Variants in CSF2RA observed in about 807,000 individuals in gnomAD.
The protein encoded by CSF2RA is granulocyte-macrophage colony-stimulating factor receptor subunit alpha.
A neutral mutation model predicts 51.6 loss-of-function variants in CSF2RA; 42 were observed. That is an observed-to-expected ratio of 0.81 (90% CI 0.64 to 1.05). CSF2RA has a LOEUF of 1.05. CSF2RA is among the 50% of genes least tolerant of loss of function. The pLI, the probability that CSF2RA is intolerant of heterozygous loss-of-function variation, is 0.00. For synonymous variants in CSF2RA, 222 were observed against 193.0 expected (o/e 1.15, Z -1.24); for missense variants, 530 against 501.1 (o/e 1.06, Z -0.55).
intron 8 of CSF2RA, among the ~76,000 whole-genome samples, chrX:1,294,893 C>A (rs1299293913): frequency 1.2e-4 from 19 of 152,274 alleles, no homozygotes; most frequent in Middle Eastern, 3.4e-3. Context: ...TGCTCCACCT[C>A]CATGGAGACC....
intron 9 of CSF2RA, 197 bp from the exon 10 acceptor site, chrX:1,300,294 C>T (rs1313506769): frequency 4.8e-6 from 3 of 628,358 alleles, no homozygotes; most frequent in Admixed American, 3.1e-5. Context: ...TGTCTCCCAT[C>T]GAAATACTAA....
chrX:1,324,118 G>C, the CSF2RA span, among the ~76,000 whole-genome samples: 2 of 151,968 alleles, frequency 1.3e-5, no homozygotes, highest in Non-Finnish European at 2.9e-5. Context: ...CTGTGAGGTG[G>C]AGGTTGCAGT....
At position 1,290,474 on chromosome X, in the gene CSF2RA, A is replaced by T; in HGVS notation, c.611A>T (p.Gln204Leu). Residue 204 changes from glutamine (Q) to leucine (L), a missense_variant, in exon 7 of 13, where the codon CAA (glutamine) becomes CTA (leucine). Transcript: ENST00000381529. ...VNGTSREIGI[Q>L]FFDSLLDTKK... is the part of the protein sequence containing the mutation. ...GGAACCAGCCGAGAAATTGGCATCC[A>T]ATTCTTTGATTCACTTTTGGACACA... The T allele has an allele frequency of 6.2e-7, 1 of 1,613,940 alleles. No homozygotes were observed. The highest frequency in any genetic ancestry group is 8.5e-7 in the Non-Finnish European group (1 of 1,179,846).
intron 1 of CSF2RA, 22 bp downstream of exon 1, chrX:1,268,901 T>C: frequency 2.2e-6 from 1 of 453,936 alleles, no homozygotes; most frequent in South Asian, 1.6e-5. Flanking sequence ...TCTTTCCTTC[T>C]GTGGTCTTTG....
chrX:1,313,567 C>G (rs1403668038), downstream of CSF2RA, among the ~76,000 whole-genome samples: 2 of 151,728 alleles, frequency 1.3e-5, no homozygotes, highest in South Asian at 2.1e-4. Context: ...AAAAAAAAAG[C>G]CAGGTGTGGT....
In CSF2RA at chrX:1,300,476, T is replaced by C. The variant is rs1185684223; in HGVS notation, c.811-15T>C. The C allele has an allele frequency of 6.2e-7, 1 of 1,613,918 alleles. No individual in the cohort carries two copies. The highest frequency in any genetic ancestry group is 1.7e-5 in the Admixed American group (1 of 59,998). On this transcript the variant is annotated splice_polypyrimidine_tract_variant and intron_variant, in intron 9 of 12. Coordinates refer to ENST00000381529, the MANE Select transcript of CSF2RA (RefSeq NM_172245.4). ...CAGAAGACGCCTATCTCTAACTTTC[T>C]TTTTTCCTCCAAAGATTAATGTTTC...
intron 2 of CSF2RA, among the ~76,000 whole-genome samples, chrX:1,280,583 T>C (rs1304371825): frequency 2.0e-5 from 3 of 152,078 alleles, no homozygotes; most frequent in Non-Finnish European, 4.4e-5. Flanking sequence ...TTAAACATTT[T>C]CTGGTTGACA....
At chrX:1,285,702 A>AG in intron 3 of CSF2RA, 76 bp from the exon 4 acceptor site, 1 of 247,446 alleles carries the variant, frequency 4.0e-6, no homozygotes, top group South Asian at 6.2e-5. Flanking sequence ...ACTCCGTCTC[A>AG]AAAAAAAAAA....
the CSF2RA span, among the ~76,000 whole-genome samples, chrX:1,317,281 TG>T: frequency 1.0e-5 from 1 of 98,296 alleles, no homozygotes; most frequent in African/African-American, 4.3e-5. Context: ...GACAGAGTCT[TG>T]TTCTTGTCGC....
intron 1 of CSF2RA, among the ~76,000 whole-genome samples, chrX:1,271,332 A>ATTT (rs752978804): frequency 6.9e-5 from 1 of 14,446 alleles, no homozygotes; most frequent in African/African-American, 1.6e-4. Context: ...TAATTTTTGT[A>ATTT]TTTTTTTTTT....
intron 9 of CSF2RA, among the ~76,000 whole-genome samples, chrX:1,296,183 G>A (rs1303609404): frequency 4.9e-5 from 7 of 141,812 alleles, no homozygotes; most frequent in Non-Finnish European, 1.1e-4. Flanking sequence ...ACTACACCTA[G>A]TGTAACTAAC....
intron 3 of CSF2RA, among the ~76,000 whole-genome samples, chrX:1,285,125 T>C (rs1309535836): frequency 6.6e-6 from 1 of 152,078 alleles, no homozygotes; most frequent in Non-Finnish European, 1.5e-5. Flanking sequence ...GATCTGAACC[T>C]ACTGGGCTCA....
the CSF2RA span, among the ~76,000 whole-genome samples, chrX:1,315,431 T>C: frequency 2.6e-5 from 4 of 151,968 alleles, no homozygotes; most frequent in African/African-American, 9.7e-5. Flanking sequence ...AGAGACAGAG[T>C]CTCATTCTGT....
At chrX:1,300,261 A>G (rs1463084180) in intron 9 of CSF2RA, 3 of 555,948 alleles carry the variant, frequency 5.4e-6, no homozygotes, top group Non-Finnish European at 9.5e-6. Context: ...CTTAAAGCCT[A>G]CATCACCCAA....
chrX:1,322,599 T>C, the CSF2RA span, among the ~76,000 whole-genome samples: 48,236 of 150,962 alleles, frequency 0.32, 7,717 homozygotes, highest in East Asian at 0.53. Flanking sequence ...CTGAACCCTT[T>C]GTGGTCACGC....
intron 6 of CSF2RA, 56 bp downstream of exon 6, chrX:1,288,944 T>C: frequency 6.2e-7 from 1 of 1,607,066 alleles, no homozygotes; most frequent in East Asian, 2.2e-5. Context: ...GGAGAAAAAA[T>C]CATGCTGGTT....
chrX:1,321,736 G>A, the CSF2RA span, among the ~76,000 whole-genome samples: 43 of 152,250 alleles, frequency 2.8e-4, no homozygotes, highest in East Asian at 7.9e-3. Flanking sequence ...TCACAAAAAG[G>A]CAGAACCCCG....
the CSF2RA span, among the ~76,000 whole-genome samples, chrX:1,325,164 G>C: frequency 6.7e-6 from 1 of 150,368 alleles, no homozygotes; most frequent in African/African-American, 2.4e-5. Flanking sequence ...ATCGAGACCA[G>C]CCTGGCCAAC....
chrX:1,321,386 G>T, the CSF2RA span, among the ~76,000 whole-genome samples: 1 of 151,050 alleles, frequency 6.6e-6, no homozygotes, highest in Non-Finnish European at 1.5e-5. Flanking sequence ...GGTGAATGGC[G>T]TGAACCCGGG....
Sources: gnomAD v4.1 joint callset for allele counts (sites outside exome capture counted in the v4.1 genomes callset) on GRCh38, gnomAD v4.1.1 for gene constraint, MANE v1.5 for transcripts, NCBI Gene and HGNC (gene_info 2026-07-23, HGNC 2026-07-21) for gene names.